The following TRIM44 variants were observed in gnomAD, a reference collection of about 807,000 sequenced individuals.
TRIM44 encodes tripartite motif-containing protein 44.
A neutral mutation model predicts 37.4 loss-of-function variants in TRIM44; 13 were observed. The ratio of observed to expected loss-of-function variants is 0.35; its 90% confidence interval spans 0.23 to 0.55. The LOEUF is 0.55. Ranked by LOEUF, TRIM44 falls within the 20% of genes least tolerant of loss-of-function variation. The pLI is 0.89. For synonymous variants in TRIM44, 175 were observed against 157.2 expected, an observed-to-expected ratio of 1.11 and a Z score of -0.85; for missense variants, 426 against 437.2, an observed-to-expected ratio of 0.97 and a Z score of 0.23.
At position 35,799,097 on chromosome 11, in the gene TRIM44, A is replaced by G. The variant is rs571724966; in HGVS notation, c.1008-7261A>G. Among the ~76,000 whole-genome samples, 20 of 152,368 alleles carry G rather than the reference A, an allele frequency of 1.3e-4. No homozygotes were observed. The East Asian group carries it at 2.9e-3, about 22-fold the overall frequency. On this transcript the variant is annotated intron_variant, in intron 4 of 4. Transcript: ENST00000299413. ...CTAAAGAAGGGAATTCTGAGAGCAG[A>G]TGGGACACTGGCAACCTACAAGCCT...
intron 4 of TRIM44, among the ~76,000 whole-genome samples, chr11:35,746,446 C>CT (rs5791065): frequency 0.097 from 8,983 of 92,934 alleles, 583 homozygotes; most frequent in Non-Finnish European, 0.12. Flanking sequence ...GGGGGTCCTT[C>CT]TTTTTTTTTT....
At chr11:35,782,948 C>T (rs930791784) in intron 4 of TRIM44, among the ~76,000 whole-genome samples, 1 of 152,108 alleles carries the variant, frequency 6.6e-6, no homozygotes, top group Non-Finnish European at 1.5e-5. Context: ...CTCCACTTTA[C>T]AGAAGAAGGA....
rs597254 is a variant in TRIM44 at position 35,807,453 on chromosome 11, C to G, written c.*1068C>G. 39,127 of 152,144 alleles carry G rather than the reference C, an allele frequency of 0.26. 6,166 individuals carry two copies. The highest frequency in any genetic ancestry group is 0.45 in the Middle Eastern group (132 of 294). 9.4% of individuals were successfully genotyped at this position (152,144 alleles called of 1,614,324 possible). On this transcript the variant is annotated 3_prime_UTR_variant, in exon 5 of 5. Coordinates refer to ENST00000299413, the MANE Select transcript of TRIM44 (RefSeq NM_017583.6). ...ATAGACCTTCAGATCATCTCCCACA[C>G]CCTGGATCTCACTCTCCTCTTAGTA...
chr11:35,698,194 A>G (rs1851733915), intron 2 of TRIM44, among the ~76,000 whole-genome samples: 1 of 147,616 alleles, frequency 6.8e-6, no homozygotes, highest in African/African-American at 2.5e-5. Flanking sequence ...ATTGTTGGAC[A>G]TTTGGGTTGG....
chr11:35,736,415 A>G (rs182562469), intron 4 of TRIM44, among the ~76,000 whole-genome samples: 12 of 152,316 alleles, frequency 7.9e-5, no homozygotes, highest in African/African-American at 2.6e-4. Flanking sequence ...GAAAATCACT[A>G]TCAAGTCGCT....
chr11:35,777,373 G>A (rs1230618304), intron 4 of TRIM44, among the ~76,000 whole-genome samples: 1 of 152,144 alleles, frequency 6.6e-6, no homozygotes, highest in African/African-American at 2.4e-5. Context: ...TGGGTCTCCT[G>A]AATACAGCAC....
chr11:35,707,160 A>C (rs1481392685), intron 2 of TRIM44, among the ~76,000 whole-genome samples: 1 of 152,208 alleles, frequency 6.6e-6, no homozygotes, highest in Non-Finnish European at 1.5e-5. Flanking sequence ...ACTCCCATTC[A>C]CAATTGCTTC....
chr11:35,665,941 C>T (rs1686941871), intron 1 of TRIM44, among the ~76,000 whole-genome samples: 1 of 151,458 alleles, frequency 6.6e-6, no homozygotes, highest in African/African-American at 2.4e-5. Context: ...TTGCAAATAT[C>T]TTCTATGTGG....
At position 35,810,735 on chromosome 11, in the gene TRIM44, A is replaced by T. The variant is rs891088681; in HGVS notation, c.*4350A>T. The T allele has an allele frequency of 2.6e-5, 4 of 152,168 alleles. No homozygotes were observed. Among genetic ancestry groups the T allele is most frequent in the African/African-American group, 4.8e-5 (2 of 41,444 alleles). 9.4% of individuals were successfully genotyped at this position (152,168 alleles called of 1,614,324 possible). A position where few individuals can be genotyped will look rare whatever the true frequency, so the allele number is the denominator to read the frequency against. On this transcript the variant is annotated 3_prime_UTR_variant, in exon 5 of 5. Transcript: ENST00000299413. ...TGAGGGGACAGCAGATTAATACTTA[A>T]TGAGGGTTAAACCTGACCAGTCTTT...
intron 1 of TRIM44, among the ~76,000 whole-genome samples, chr11:35,673,057 G>A (rs1463909891): frequency 6.6e-6 from 1 of 152,192 alleles, no homozygotes; most frequent in African/African-American, 2.4e-5. Context: ...AAAAAGTCTT[G>A]GAAGTATGCA....
At chr11:35,730,889 G>C (rs11033259) in intron 3 of TRIM44, among the ~76,000 whole-genome samples, 1 of 136,818 alleles carries the variant, frequency 7.3e-6, no homozygotes, top group African/African-American at 2.8e-5. Context: ...GTTTGCTGTC[G>C]CCCAGGCTGG....
Position 35,663,335 on chromosome 11 carries a change from G to C in TRIM44, c.224G>C (p.Gly75Ala), listed in dbSNP as rs1220211683. ...QAWTPPADGE[G>A]AGKEEAEVKV... ...TGGACCCCGCCAGCTGACGGAGAGGGGGCGGGGAAGGAAGAAGCGGAGGTC... is the reference window on the plus strand; with the variant it reads ...TGGACCCCGCCAGCTGACGGAGAGGCGGCGGGGAAGGAAGAAGCGGAGGTC... Residue 75 changes from glycine to alanine, a missense_variant, in exon 1 of 5, where the codon GGG (glycine) becomes GCG (alanine). By Grantham distance (60) the Gly-to-Ala change is moderately conservative. Transcript: ENST00000299413. 6.2e-7 allele frequency: 1 copy of C among 1,613,942 alleles called. No homozygotes were observed. Among genetic ancestry groups the C allele is most frequent in the Non-Finnish European group, 8.5e-7 (1 of 1,180,008 alleles).
chr11:35,737,720 C>T (rs1852343058), intron 4 of TRIM44, among the ~76,000 whole-genome samples: 1 of 151,976 alleles, frequency 6.6e-6, no homozygotes, highest in Non-Finnish European at 1.5e-5. Context: ...CCTGTAATCC[C>T]AGCTACTCGG....
chr11:35,806,308 C>T, intron 4 of TRIM44, 50 bp from the exon 5 acceptor site: 1 of 1,607,828 alleles, frequency 6.2e-7, no homozygotes, highest in Non-Finnish European at 8.5e-7. Flanking sequence ...ACTAGGCTGC[C>T]TCCCTTCTTG....
intron 4 of TRIM44, among the ~76,000 whole-genome samples, chr11:35,795,170 A>G (rs1362584239): frequency 1.3e-5 from 2 of 152,284 alleles, no homozygotes; most frequent in East Asian, 1.9e-4. Context: ...GGAAGGTGGC[A>G]TGAATCAGGC....
chr11:35,725,628 G>A (rs1435595274), intron 2 of TRIM44, among the ~76,000 whole-genome samples: 3 of 152,024 alleles, frequency 2.0e-5, no homozygotes, highest in East Asian at 1.9e-4. Context: ...GAGCCACCAC[G>A]CCCGGCCTCA....
At chr11:35,697,648 C>G (rs1241811474) in intron 2 of TRIM44, among the ~76,000 whole-genome samples, 1 of 151,822 alleles carries the variant, frequency 6.6e-6, no homozygotes, top group Non-Finnish European at 1.5e-5. Flanking sequence ...GTTCCCCTTC[C>G]TGTGTCCATG....
intron 3 of TRIM44, among the ~76,000 whole-genome samples, chr11:35,728,399 A>G (rs1378579335): frequency 6.6e-6 from 1 of 152,184 alleles, no homozygotes; most frequent in Non-Finnish European, 1.5e-5. Context: ...CTTCTCTGAC[A>G]TTAGCTGTCC....
chr11:35,687,577 A>T (rs887864541), intron 2 of TRIM44, among the ~76,000 whole-genome samples: 3 of 152,238 alleles, frequency 2.0e-5, no homozygotes, highest in Non-Finnish European at 4.4e-5. Context: ...TTAGCAGTGC[A>T]GTGAAGAGGG....
Sources: gnomAD v4.1 joint callset for allele counts (sites outside exome capture counted in the v4.1 genomes callset) on GRCh38, gnomAD v4.1.1 for gene constraint, MANE v1.5 for transcripts, NCBI Gene and HGNC (gene_info 2026-07-23, HGNC 2026-07-21) for gene names.